Variants in DNAH9 observed in about 807,000 individuals in gnomAD.
The protein encoded by DNAH9 is dynein axonemal heavy chain 9, also known as DNAH9 variant protein.
A neutral mutation model predicts 471.6 loss-of-function variants in DNAH9; 345 were observed. That is an observed-to-expected ratio of 0.73 (90% CI 0.67 to 0.80). The LOEUF is 0.80. Ranked by LOEUF, DNAH9 falls within the 30% of genes least tolerant of loss-of-function variation. The pLI is 0.00. For synonymous variants in DNAH9, 2,093 were observed against 2,123.6 expected, an observed-to-expected ratio of 0.99 and a Z score of 0.40; for missense variants, 5,407 against 5,609.2, an observed-to-expected ratio of 0.96 and a Z score of 1.15.
chr17:11,945,239 T>C (rs1009092011), intron 67 of DNAH9, among the ~76,000 whole-genome samples: 1 of 152,142 alleles, frequency 6.6e-6, no homozygotes, highest in Non-Finnish European at 1.5e-5. Flanking sequence ...ACTTTCTTAG[T>C]TTAACAATCA....
At chr17:11,644,853 G>C (rs1405456833) in intron 11 of DNAH9, among the ~76,000 whole-genome samples, 154 bp downstream of exon 11, 3 of 151,608 alleles carry the variant, frequency 2.0e-5, no homozygotes, top group Non-Finnish European at 2.9e-5. Context: ...AGTATTTCCG[G>C]GTTGCACACA....
At chr17:11,708,825 G>T (rs911476255) in intron 26 of DNAH9, among the ~76,000 whole-genome samples, 1 of 152,008 alleles carries the variant, frequency 6.6e-6, no homozygotes, top group Non-Finnish European at 1.5e-5. Context: ...TCTATCCCCC[G>T]CTCTAGACTG....
At chr17:11,908,390 C>A (rs1973679273) in intron 61 of DNAH9, among the ~76,000 whole-genome samples, 1 of 152,142 alleles carries the variant, frequency 6.6e-6, no homozygotes, top group Admixed American at 6.5e-5. Context: ...GTAGTCAGAT[C>A]AGGGTGATTA....
At position 11,727,799 on chromosome 17, in the gene DNAH9, T is replaced by C. The variant is rs773031729; in HGVS notation, c.5710-19T>C. 4 of 1,571,434 alleles carry C rather than the reference T, an allele frequency of 2.5e-6. No individual in the cohort carries two copies. In the Admixed American group the frequency reaches 6.7e-5, roughly 26 times the overall value. On this transcript the variant is annotated intron_variant, in intron 27 of 68. Transcript: ENST00000262442. ...AGCCTGGCCCGTTGGTAATTTAATC[T>C]TTGTGCATTTTCTTGCAGTCTTGTG...
At chr17:11,897,786 G>T (rs1312298165) in intron 59 of DNAH9, among the ~76,000 whole-genome samples, 1 of 152,210 alleles carries the variant, frequency 6.6e-6, no homozygotes, top group Non-Finnish European at 1.5e-5. Flanking sequence ...CGGAGTAAAT[G>T]CTAAACCAAT....
chr17:11,962,681 C>T lies in DNAH9; in HGVS notation c.13233+425C>T, dbSNP rs1976320379. On this transcript the variant is annotated intron_variant, in intron 68 of 68. Transcript: ENST00000262442. The surrounding 1 kb of genome is among the most constrained non-coding windows in gnomAD (Gnocchi z 4.1). ...AAAATGTTGGAGTCAGCTATCTCTG[C>T]TGCTGCTGCTGTGTGTCTGTCGCCC... Among the ~76,000 whole-genome samples, 1 of 149,834 alleles carries T rather than the reference C, an allele frequency of 6.7e-6. No individual in the cohort carries two copies. Among genetic ancestry groups the T allele is most frequent in the South Asian group, 2.1e-4 (1 of 4,800 alleles).
chr17:11,950,166 C>T (rs1373737016), intron 67 of DNAH9, among the ~76,000 whole-genome samples: 1 of 152,124 alleles, frequency 6.6e-6, no homozygotes, highest in Non-Finnish European at 1.5e-5. Flanking sequence ...ACAAATTATC[C>T]TTCCTCGACT....
chr17:11,745,539 A>G (rs978508416), intron 31 of DNAH9, among the ~76,000 whole-genome samples: 1 of 152,226 alleles, frequency 6.6e-6, no homozygotes, highest in Non-Finnish European at 1.5e-5. Flanking sequence ...CTTGAGGCTT[A>G]CCAGATATTG....
At chr17:11,669,925 T>C in intron 17 of DNAH9, 131 bp downstream of exon 17, 1 of 800,990 alleles carries the variant, frequency 1.2e-6, no homozygotes, top group Non-Finnish European at 2.0e-6. Flanking sequence ...GGTTAGAGGT[T>C]CTAGGCTTTT....
chr17:11,732,871 T>C lies in DNAH9; in HGVS notation c.5814+4949T>C, dbSNP rs113215276. Among the ~76,000 whole-genome samples, 1,069 of 152,002 alleles carry C rather than the reference T, an allele frequency of 7.0e-3. 10 individuals carry two copies. The highest frequency in any genetic ancestry group is 0.023 in the African/African-American group (961 of 41,476). ...CTGCATTACAAGCCCCAATAATGGG[T>C]TGGGCAGAGGCAGGAAGCAAGTAGA... On this transcript the variant is annotated intron_variant, in intron 28 of 68. Transcript: ENST00000262442.
At chr17:11,700,091 A>G (rs567919815) in intron 23 of DNAH9, among the ~76,000 whole-genome samples, 1 of 152,336 alleles carries the variant, frequency 6.6e-6, no homozygotes, top group South Asian at 2.1e-4. Context: ...GACACATGTC[A>G]ACATTCATAT....
intron 28 of DNAH9, among the ~76,000 whole-genome samples, chr17:11,737,185 G>A (rs951310362): frequency 9.2e-5 from 14 of 152,242 alleles, no homozygotes; most frequent in Non-Finnish European, 1.9e-4. Flanking sequence ...CAAACTAATT[G>A]CTGTGAGCTC....
rs911630572 is a variant in DNAH9, at chr17:11,699,621, C to T, written c.4873-110C>T. 5 of 924,272 alleles carry T rather than the reference C, an allele frequency of 5.4e-6. No individual in the cohort carries two copies. In the African/African-American group the frequency reaches 6.5e-5, roughly 12 times the overall value. 57.3% of individuals were successfully genotyped at this position (924,272 alleles called of 1,614,324 possible). ...AAACTTCCTTCTAAATGCTTGGTAT[C>T]CACCACTCTGTCTTTCACAATGATT... On this transcript the variant is annotated intron_variant, in intron 22 of 68. Coordinates refer to ENST00000262442, the MANE Select transcript of DNAH9 (RefSeq NM_001372.4).
At chr17:11,801,097 A>C (rs1470546940) in intron 43 of DNAH9, among the ~76,000 whole-genome samples, 1 of 152,104 alleles carries the variant, frequency 6.6e-6, no homozygotes, top group African/African-American at 2.4e-5. Flanking sequence ...TTTCACAAAA[A>C]CCCTGAAGAA....
chr17:11,894,801 A>G (rs1052440030), intron 59 of DNAH9, among the ~76,000 whole-genome samples: 5 of 152,164 alleles, frequency 3.3e-5, no homozygotes, highest in Admixed American at 2.0e-4. Context: ...AGGCTGGGAC[A>G]TGGCCTCCTC....
At chr17:11,878,332 T>C (rs931508724) in intron 53 of DNAH9, among the ~76,000 whole-genome samples, 2 of 152,222 alleles carry the variant, frequency 1.3e-5, no homozygotes, top group African/African-American at 4.8e-5. Flanking sequence ...ATATGTAATA[T>C]GTATAGTCTT....
chr17:11,708,008 C>G (rs62061782), intron 26 of DNAH9, among the ~76,000 whole-genome samples: 3,571 of 46,236 alleles, frequency 0.077, 68 homozygotes, highest in East Asian at 0.28. Context: ...CACACACACA[C>G]ACACACAGAG....
intron 62 of DNAH9, among the ~76,000 whole-genome samples, chr17:11,928,125 T>TCATA (rs60276672): frequency 6.6e-6 from 1 of 150,720 alleles, no homozygotes; most frequent in Non-Finnish European, 1.5e-5. Context: ...ATTTATTTAT[T>TCATA]CATTCATTCA....
chr17:11,689,574 G>T lies in DNAH9; in HGVS notation c.3752G>T (p.Ser1251Ile), dbSNP rs1210546795. ...FHKEAPFRFD[S>I]IHPHQMLDAR... ...CACACTGTGTTTTGTAGGTTTGATA[G>T]CATCCACCCTCATCAAATGCTGGAT... The change falls in exon 20 of 69, where the codon AGC (serine) becomes ATC (isoleucine). Residue 1251 changes from serine to isoleucine, a missense_variant. Physicochemically the swap from Ser to Ile is moderately radical, Grantham distance 142. This residue lies in a region of DNAH9 where 4,636 missense variants were observed against 4,900.3 expected (regional missense o/e 0.95). Coordinates refer to ENST00000262442, the MANE Select transcript of DNAH9 (RefSeq NM_001372.4). 1 of 1,611,350 alleles carries T rather than the reference G, an allele frequency of 6.2e-7. No individual in the cohort carries two copies. Among genetic ancestry groups the T allele is most frequent in the Non-Finnish European group, 8.5e-7 (1 of 1,178,754 alleles).
Sources: allele counts gnomAD v4.1 joint callset (sites outside exome capture counted in the v4.1 genomes callset), GRCh38; gene constraint gnomAD v4.1.1; regional missense constraint gnomAD v4.1.1; non-coding constraint Gnocchi (gnomAD v3.1); transcripts MANE v1.5; gene names NCBI Gene and HGNC (gene_info 2026-07-23, HGNC 2026-07-21).